SERTM1: variants seen among roughly 807,000 people sequenced by gnomAD.
SERTM1 encodes the protein serine rich and transmembrane domain containing 1.
In SERTM1, 1 loss-of-function variant was observed where a neutral mutation model predicts 5.5. The observed-to-expected ratio is 0.18, with a 90% CI of 0.06 to 0.86. The LOEUF is 0.86. Ranked by LOEUF, SERTM1 falls within the 40% of genes least tolerant of loss-of-function variation. SERTM1 has a pLI of 0.69. For missense variants in SERTM1, 91 were observed against 122.4 expected, an observed-to-expected ratio of 0.74 and a Z score of 1.21; for synonymous variants, 52 against 55.1, an observed-to-expected ratio of 0.94 and a Z score of 0.25.
chr13:36,678,539 A>G (rs1197789757), intron 1 of SERTM1, among the ~76,000 whole-genome samples: 1 of 151,956 alleles, frequency 6.6e-6, no homozygotes, highest in Non-Finnish European at 1.5e-5. Flanking sequence ...GAGCATCAGG[A>G]AAAATTAGCT....
At chr13:36,683,742 C>T (rs1207752906) in intron 1 of SERTM1, among the ~76,000 whole-genome samples, 1 of 152,162 alleles carries the variant, frequency 6.6e-6, no homozygotes, top group African/African-American at 2.4e-5. Context: ...TCATACATTT[C>T]ATTGGTCAAA....
chr13:36,687,608 T>C (rs935459290), intron 1 of SERTM1, among the ~76,000 whole-genome samples: 2 of 152,204 alleles, frequency 1.3e-5, no homozygotes, highest in African/African-American at 4.8e-5. Flanking sequence ...ACTTGATACA[T>C]TGGTTAGTTT....
intron 1 of SERTM1, among the ~76,000 whole-genome samples, chr13:36,683,227 C>G (rs950631521): frequency 6.6e-6 from 1 of 152,158 alleles, no homozygotes; most frequent in Non-Finnish European, 1.5e-5. Context: ...TGTTAAGGAA[C>G]ATGTCTTTGG....
rs112750517 is a variant in SERTM1 at position 36,679,239 on chromosome 13, A to G, written c.-174+5055A>G. Among the ~76,000 whole-genome samples the G allele has an allele frequency of 9.1e-4, 138 of 152,348 alleles. 1 individual carries two copies. Among genetic ancestry groups the G allele is most frequent in the African/African-American group, 3.2e-3 (133 of 41,576 alleles). On this transcript the variant is annotated intron_variant, in intron 1 of 1. Coordinates refer to ENST00000315190, the MANE Select transcript of SERTM1 (RefSeq NM_203451.3). ...AAATCTAAACTTTTTGAGCATTGGC[A>G]TGATGCCACAGTGCACAGTACCCTT...
chr13:36,676,884 C>A (rs909210393), intron 1 of SERTM1, among the ~76,000 whole-genome samples: 90 of 152,310 alleles, frequency 5.9e-4, no homozygotes, highest in African/African-American at 2.0e-3. Flanking sequence ...TTTAAGCCCA[C>A]GAGTTGGCAG....
chr13:36,691,644 A>C (rs372630749), intron 1 of SERTM1, among the ~76,000 whole-genome samples: 6 of 152,322 alleles, frequency 3.9e-5, no homozygotes, highest in African/African-American at 1.4e-4. Context: ...AAAAGCATCA[A>C]AATCCCCATG....
chr13:36,685,286 C>T (rs937929444), intron 1 of SERTM1, among the ~76,000 whole-genome samples: 6 of 152,216 alleles, frequency 3.9e-5, no homozygotes, highest in Admixed American at 6.5e-5. Flanking sequence ...AGCAGGACCA[C>T]GGGAAACCCA....
chr13:36,691,850 A>G (rs1402766751), intron 1 of SERTM1, among the ~76,000 whole-genome samples: 1 of 152,182 alleles, frequency 6.6e-6, no homozygotes, highest in Non-Finnish European at 1.5e-5. Flanking sequence ...CTGTTTCCAC[A>G]CTGTCACAAT....
rs1257370302 is a variant in SERTM1, at chr13:36,695,554, G to A, written c.*152G>A. On this transcript the variant is annotated 3_prime_UTR_variant, in exon 2 of 2. Coordinates refer to ENST00000315190, the MANE Select transcript of SERTM1 (RefSeq NM_203451.3). ...CTCTGATTTCTTTTCTGTTCATGATGCTTTTCATTTGGGGATGGAGACACC... is the reference window on the plus strand; with the variant it reads ...CTCTGATTTCTTTTCTGTTCATGATACTTTTCATTTGGGGATGGAGACACC... 9.1e-6 allele frequency: 6 copies of A among 656,506 alleles called. No homozygotes were observed. The East Asian group carries it at 1.1e-4, about 12-fold the overall frequency. The allele number at this position is 656,506 out of a possible 1,614,324, so 40.7% of individuals were successfully genotyped here. A position where few individuals can be genotyped will look rare whatever the true frequency, so the allele number is the denominator to read the frequency against.
chr13:36,683,925 A>G (rs2056722796), intron 1 of SERTM1, among the ~76,000 whole-genome samples: 2 of 152,208 alleles, frequency 1.3e-5, no homozygotes, highest in South Asian at 2.1e-4. Context: ...GAATGAACAT[A>G]CAATTTGGAG....
At position 36,697,312 on chromosome 13, in the gene SERTM1, A is replaced by AATATATATATATAT. The variant is rs57478418; in HGVS notation, c.*1922_*1935dup. The AATATATATATATAT allele has an allele frequency of 2.7e-4, 39 of 143,830 alleles. 1 individual carries two copies. Among genetic ancestry groups the AATATATATATATAT allele is most frequent in the African/African-American group, 1.1e-3 (38 of 36,162 alleles). The allele number at this position is 143,830 out of a possible 1,614,324, so 8.9% of individuals were successfully genotyped here. A position where few individuals can be genotyped will look rare whatever the true frequency, so the allele number is the denominator to read the frequency against. On this transcript the variant is annotated 3_prime_UTR_variant, in exon 2 of 2. Coordinates refer to ENST00000315190, the MANE Select transcript of SERTM1 (RefSeq NM_203451.3). ...ATACGCACACACACACACACACATA[A>AATATATATATATAT]ATATATATATATATATATATATATA...
intron 1 of SERTM1, among the ~76,000 whole-genome samples, chr13:36,689,510 A>G (rs751213185): frequency 2.6e-4 from 3 of 11,532 alleles, no homozygotes; most frequent in Non-Finnish European, 1.1e-3. Flanking sequence ...GTCTCAAAAT[A>G]ATAATAATAA....
At chr13:36,686,041 G>A (rs1009637028) in intron 1 of SERTM1, among the ~76,000 whole-genome samples, 5 of 152,192 alleles carry the variant, frequency 3.3e-5, no homozygotes, top group Admixed American at 3.3e-4. Flanking sequence ...GATGTAAGAT[G>A]CACATAACAG....
At chr13:36,686,161 C>G (rs970383834) in intron 1 of SERTM1, among the ~76,000 whole-genome samples, 2 of 152,174 alleles carry the variant, frequency 1.3e-5, no homozygotes, top group Non-Finnish European at 2.9e-5. Context: ...CTTCAGGCAG[C>G]CTCTCCCACG....
At position 36,695,418 on chromosome 13, in the gene SERTM1, C is replaced by G. The variant is rs765293909; in HGVS notation, c.*16C>G. On this transcript the variant is annotated 3_prime_UTR_variant, in exon 2 of 2. Transcript: ENST00000315190. ...TTCATCCTGAGGAAAATGGAAGAGT[C>G]CTTGAGTGTGGCAGCAGTTTTGACA... 11 of 1,594,090 alleles carry G rather than the reference C, an allele frequency of 6.9e-6. No individual in the cohort carries two copies. Among genetic ancestry groups the G allele is most frequent in the Non-Finnish European group, 9.4e-6 (11 of 1,166,246 alleles).
intron 1 of SERTM1, among the ~76,000 whole-genome samples, chr13:36,677,422 AG>A (rs1412426962): frequency 1.3e-5 from 2 of 152,210 alleles, no homozygotes; most frequent in East Asian, 3.9e-4. Context: ...AGCTATATTA[AG>A]ACAGGAAATT....
rs888306281 is a variant in SERTM1, at chr13:36,674,023, C to T, written c.-335C>T. 6.6e-6 allele frequency: 1 copy of T among 152,282 alleles called. No individual in the cohort carries two copies. The highest frequency in any genetic ancestry group is 2.4e-5 in the African/African-American group (1 of 41,450). The allele number at this position is 152,282 out of a possible 1,614,324, so 9.4% of individuals were successfully genotyped here. A position where few individuals can be genotyped will look rare whatever the true frequency, so the allele number is the denominator to read the frequency against. On this transcript the variant is annotated 5_prime_UTR_variant, in exon 1 of 2. Coordinates refer to ENST00000315190, the MANE Select transcript of SERTM1 (RefSeq NM_203451.3). ...GCGGGGCCGGCAGCCCGGATCCACT[C>T]CCGCTGCGCCTGCTGTCCGCCGTGC... is the stretch of plus-strand genomic sequence containing the variant.
In SERTM1 at chr13:36,697,207, T is replaced by A. The variant is rs371568908; in HGVS notation, c.*1805T>A. On this transcript the variant is annotated 3_prime_UTR_variant, in exon 2 of 2. Coordinates refer to ENST00000315190, the MANE Select transcript of SERTM1 (RefSeq NM_203451.3). Reference sequence around the variant, plus strand: ...TGGCAGTGGGTTGGGTGTCATTATGTAGTATAAAAACTGGACTAGATAAAC... The same window carrying A: ...TGGCAGTGGGTTGGGTGTCATTATGAAGTATAAAAACTGGACTAGATAAAC... 3 of 166,764 alleles carry A rather than the reference T, an allele frequency of 1.8e-5. No individual in the cohort carries two copies. The East Asian group carries it at 5.8e-4, about 32-fold the overall frequency. The allele number at this position is 166,764 out of a possible 1,614,324, so 10.3% of individuals were successfully genotyped here. A position where few individuals can be genotyped will look rare whatever the true frequency, so the allele number is the denominator to read the frequency against.
At position 36,695,709 on chromosome 13, in the gene SERTM1, GTGGC is replaced by G; in HGVS notation, c.*308_*311del. The G allele has an allele frequency of 3.0e-6, 1 of 337,294 alleles. No homozygotes were observed. The highest frequency in any genetic ancestry group is 5.7e-6 in the Non-Finnish European group (1 of 176,848). 20.9% of individuals were successfully genotyped at this position (337,294 alleles called of 1,614,324 possible). A position where few individuals can be genotyped will look rare whatever the true frequency, so the allele number is the denominator to read the frequency against. ...GTTGGACGCCGTAGGCTCATCTGAGGTGGCCTCTCCGTGGATGCTGGACATGGAC... is the reference window on the plus strand; with the variant it reads ...GTTGGACGCCGTAGGCTCATCTGAGGCTCTCCGTGGATGCTGGACATGGAC... On this transcript the variant is annotated 3_prime_UTR_variant, in exon 2 of 2. Transcript: ENST00000315190.
Sources: gnomAD v4.1 joint callset for allele counts (sites outside exome capture counted in the v4.1 genomes callset) on GRCh38, gnomAD v4.1.1 for gene constraint, MANE v1.5 for transcripts, NCBI Gene and HGNC (gene_info 2026-07-23, HGNC 2026-07-21) for gene names.